MCC: variants seen among roughly 807,000 people sequenced by gnomAD.
MCC encodes the protein MCC regulator of Wnt signaling pathway.
Under a neutral mutation model 116.2 loss-of-function variants are expected in MCC, and 90 were observed. That is an observed-to-expected ratio of 0.77 (90% CI 0.65 to 0.92). The LOEUF is 0.92. Among genes scored for constraint, MCC ranks in the 40% least tolerant of loss-of-function variants. MCC has a pLI of 0.00. For missense variants in MCC, 1,516 were observed against 1,312.2 expected (o/e 1.16, Z -2.40); for synonymous variants, 578 against 510.5 (o/e 1.13, Z -1.78).
chr5:113,099,434 C>CA (rs1756256494), intron 8 of MCC, among the ~76,000 whole-genome samples: 1 of 152,144 alleles, frequency 6.6e-6, no homozygotes, highest in African/African-American at 2.4e-5. Context: ...GGATGGTGTT[C>CA]AACTTTCCGT....
At chr5:113,112,145 C>G (rs377109328) in intron 6 of MCC, among the ~76,000 whole-genome samples, 1 of 152,318 alleles carries the variant, frequency 6.6e-6, no homozygotes, top group South Asian at 2.1e-4. Flanking sequence ...TCCAAAAGCA[C>G]GTGTTCCTGG....
chr5:113,201,081 T>C lies in MCC; in HGVS notation c.628-49659A>G, dbSNP rs111988951. On this transcript the variant is annotated intron_variant, in intron 3 of 18. Transcript: ENST00000408903. ...ATGTATCCATCTATATGCTTGGAAC[T>C]GGAAATAAGAAACTACTGGCCTGGC... Among the ~76,000 whole-genome samples the C allele has an allele frequency of 9.5e-3, 1,450 of 152,096 alleles. 12 individuals are homozygous for C. The highest frequency in any genetic ancestry group is 0.015 in the Non-Finnish European group (1,031 of 67,982).
At position 113,143,250 on chromosome 5, in the gene MCC, C is replaced by T. The variant is rs751828122; in HGVS notation, c.852G>A (p.Lys284=). ...ELHSVIAELN[K]KIDRLQGTTI... is the part of the protein sequence containing the mutation. ...TGGTGCCTTGCAGACGGTCTATCTTCTTGTTGAGCTCCGCAATGACGCTGT... is the reference window on the plus strand; with the variant it reads ...TGGTGCCTTGCAGACGGTCTATCTTTTTGTTGAGCTCCGCAATGACGCTGT... The change falls in exon 5 of 19, where the codon AAG becomes AAA. Residue 284 remains lysine, a synonymous_variant. Coordinates refer to ENST00000408903, the MANE Select transcript of MCC (RefSeq NM_001085377.2). The T allele has an allele frequency of 1.2e-6, 2 of 1,611,256 alleles. No homozygotes were observed. The highest frequency in any genetic ancestry group is 1.1e-5 in the South Asian group (1 of 90,612).
At chr5:113,248,478 G>A (rs537164012) in intron 3 of MCC, among the ~76,000 whole-genome samples, 2 of 152,126 alleles carry the variant, frequency 1.3e-5, no homozygotes, top group South Asian at 2.1e-4. Context: ...GATACAGGAT[G>A]AGCATCCCAA....
chr5:113,253,934 A>G (rs1764905296), intron 3 of MCC, among the ~76,000 whole-genome samples: 1 of 152,228 alleles, frequency 6.6e-6, no homozygotes, highest in South Asian at 2.1e-4. Context: ...GAGTGGAAGG[A>G]GGAAAACAAA....
At chr5:113,429,233 G>A (rs1385160777) in intron 1 of MCC, among the ~76,000 whole-genome samples, 1 of 152,056 alleles carries the variant, frequency 6.6e-6, no homozygotes, top group Non-Finnish European at 1.5e-5. Flanking sequence ...TAAAGGTGGG[G>A]TCCTAATCCA....
intron 1 of MCC, among the ~76,000 whole-genome samples, chr5:113,444,825 C>T (rs952571470): frequency 3.3e-5 from 5 of 152,224 alleles, no homozygotes; most frequent in African/African-American, 7.2e-5. Context: ...GACCTGATGA[C>T]GATAACAACA....
At chr5:113,254,163 T>C (rs1008932647) in intron 3 of MCC, among the ~76,000 whole-genome samples, 3 of 152,174 alleles carry the variant, frequency 2.0e-5, no homozygotes, top group African/African-American at 7.2e-5. Context: ...TAGAGAGAAA[T>C]TCTTTCAAAT....
intron 3 of MCC, among the ~76,000 whole-genome samples, chr5:113,319,530 A>T (rs1363170313): frequency 6.6e-6 from 1 of 152,198 alleles, no homozygotes; most frequent in Non-Finnish European, 1.5e-5. Context: ...CCATTGGCTG[A>T]GCATTTTCTG....
chr5:113,323,113 TG>T (rs1175458975), intron 3 of MCC: 1 of 152,346 alleles, frequency 6.6e-6, no homozygotes, highest in Non-Finnish European at 1.5e-5. Flanking sequence ...CTAACTTGCC[TG>T]GTGTTTCAAT....
At chr5:113,223,341 A>G (rs1420350835) in intron 3 of MCC, among the ~76,000 whole-genome samples, 2 of 152,236 alleles carry the variant, frequency 1.3e-5, no homozygotes, top group East Asian at 3.8e-4. Flanking sequence ...GCCTTCTCTT[A>G]AGAACATCTA....
intron 1 of MCC, among the ~76,000 whole-genome samples, chr5:113,472,758 T>G (rs1175568479): frequency 3.3e-5 from 5 of 152,230 alleles, no homozygotes; most frequent in African/African-American, 7.2e-5. Flanking sequence ...TGTGATTTCC[T>G]CATCCATATT....
intron 11 of MCC, among the ~76,000 whole-genome samples, chr5:113,074,801 A>G (rs1198433216): frequency 6.6e-6 from 1 of 152,270 alleles, no homozygotes; most frequent in South Asian, 2.1e-4. Flanking sequence ...ATTGAAGATC[A>G]TATGAATGAA....
At chr5:113,278,729 T>C (rs1021053996) in intron 3 of MCC, among the ~76,000 whole-genome samples, 2 of 152,082 alleles carry the variant, frequency 1.3e-5, no homozygotes, top group Non-Finnish European at 2.9e-5. Context: ...GCTGGAGATA[T>C]AGGTGGAGTG....
chr5:113,319,290 G>A (rs914705973), intron 3 of MCC, among the ~76,000 whole-genome samples: 5 of 152,278 alleles, frequency 3.3e-5, no homozygotes, highest in South Asian at 2.1e-4. Flanking sequence ...TCCTGGGGCC[G>A]GCCTTTTCCT....
At chr5:113,237,386 T>G (rs1037923061) in intron 3 of MCC, among the ~76,000 whole-genome samples, 1 of 152,206 alleles carries the variant, frequency 6.6e-6, no homozygotes, top group Middle Eastern at 3.2e-3. Context: ...TTCATTGATA[T>G]GCGGAAATAA....
At chr5:113,246,170 G>T (rs972558927) in intron 3 of MCC, among the ~76,000 whole-genome samples, 1 of 152,160 alleles carries the variant, frequency 6.6e-6, no homozygotes. Flanking sequence ...AGAATTTCAG[G>T]ACTCCAAAAC....
At chr5:113,203,864 T>C (rs1173660310) in intron 3 of MCC, among the ~76,000 whole-genome samples, 1 of 152,232 alleles carries the variant, frequency 6.6e-6, no homozygotes, top group Non-Finnish European at 1.5e-5. Flanking sequence ...CAGATTAATG[T>C]GGACATAATA....
chr5:113,347,979 G>C (rs553127759), intron 2 of MCC, among the ~76,000 whole-genome samples: 1 of 152,088 alleles, frequency 6.6e-6, no homozygotes, highest in Admixed American at 6.5e-5. Context: ...AGACAAATAA[G>C]CTCATTATAT....
Sources: allele counts gnomAD v4.1 joint callset (sites outside exome capture counted in the v4.1 genomes callset), GRCh38; gene constraint gnomAD v4.1.1; transcripts MANE v1.5; gene names NCBI Gene and HGNC (gene_info 2026-07-23, HGNC 2026-07-21).